The following GDF10 variants were observed in gnomAD, a reference collection of about 807,000 sequenced individuals.
GDF10 encodes the protein growth differentiation factor 10, also known as growth/differentiation factor 10.
In GDF10, 23 loss-of-function variants were observed where a neutral mutation model predicts 32.1. The observed-to-expected ratio is 0.72, with a 90% CI of 0.52 to 1.02. The LOEUF is 1.02. GDF10 is among the 50% of genes least tolerant of loss of function. The pLI is 0.00. For synonymous variants in GDF10, 328 were observed against 303.1 expected, an observed-to-expected ratio of 1.08 and a Z score of -0.85; for missense variants, 764 against 673.9, an observed-to-expected ratio of 1.13 and a Z score of -1.48.
Position 47,306,393 on chromosome 10 carries a change from G to A in GDF10, c.320-3403G>A, listed in dbSNP as rs565906260. ...AAGGCTGTGGTTACTGCACTCTAGG[G>A]AAGCATGCCAGGAACCCCCAGTGTT... is the stretch of plus-strand genomic sequence containing the variant. On this transcript the variant is annotated intron_variant, in intron 1 of 2. Transcript: ENST00000580279. 3.9e-5 allele frequency among the ~76,000 whole-genome samples: 6 copies of A among 152,322 alleles called. No individual in the cohort carries two copies. In the South Asian group the frequency reaches 1.0e-3, roughly 26 times the overall value.
intron 1 of GDF10, among the ~76,000 whole-genome samples, chr10:47,304,506 C>G (rs1266208418): frequency 6.6e-6 from 1 of 151,968 alleles, no homozygotes; most frequent in Non-Finnish European, 1.5e-5. Flanking sequence ...TATAGAAGAT[C>G]ACAGTAAAGA....
intron 2 of GDF10, among the ~76,000 whole-genome samples, chr10:47,312,068 A>T (rs922350348): frequency 3.0e-5 from 4 of 131,684 alleles, no homozygotes; most frequent in Non-Finnish European, 6.6e-5. Flanking sequence ...TGCTAAGCTG[A>T]CAAAAAAAAG....
chr10:47,304,558 T>C (rs762447878), intron 1 of GDF10, among the ~76,000 whole-genome samples: 110 of 152,336 alleles, frequency 7.2e-4, no homozygotes, highest in Admixed American at 1.2e-3. Flanking sequence ...ATAACCGGAA[T>C]TGTTAGTATG....
At position 47,310,332 on chromosome 10, in the gene GDF10, C is replaced by A; in HGVS notation, c.856C>A (p.Pro286Thr). The change falls in exon 2 of 3, where the codon CCC (proline) becomes ACC (threonine). Residue 286 changes from proline to threonine, a missense_variant. Physicochemically the swap from Pro to Thr is conservative, Grantham distance 38. Coordinates refer to ENST00000580279, the MANE Select transcript of GDF10 (RefSeq NM_004962.5). ...CGCAGCCCCCAACAACTCAGCGGAC[C>A]CCCGCGTGCGCCGAGCCGCGCAGGC... ...PRAAPNNSADPRVRRAAQATG... is the reference protein window; with the variant it reads ...PRAAPNNSADTRVRRAAQATG... 6.2e-7 allele frequency: 1 copy of A among 1,606,042 alleles called. No homozygotes were observed. The highest frequency in any genetic ancestry group is 8.5e-7 in the Non-Finnish European group (1 of 1,176,860).
At chr10:47,302,341 G>A (rs996867368) in intron 1 of GDF10, among the ~76,000 whole-genome samples, 1 of 152,234 alleles carries the variant, frequency 6.6e-6, no homozygotes, top group African/African-American at 2.4e-5. Context: ...AAGTGTTGAT[G>A]TACGGGATTC....
chr10:47,310,656 A>G lies in GDF10; in HGVS notation c.1180A>G (p.Ile394Val). The change falls in exon 2 of 3, where the codon ATA becomes GTA. Residue 394 changes from isoleucine (I) to valine (V), a missense_variant. By Grantham distance (29) the Ile-to-Val change is conservative. Transcript: ENST00000580279. ...CGCAGACATCGGCTGGAATGAATGG[A>G]TAATCTCACCGAAATCTTTTGATGC... ...DFADIGWNEW[I>V]ISPKSFDAYY... The G allele has an allele frequency of 6.2e-7, 1 of 1,614,098 alleles. No individual in the cohort carries two copies. The highest frequency in any genetic ancestry group is 8.5e-7 in the Non-Finnish European group (1 of 1,179,964).
At chr10:47,306,985 G>A (rs2061025339) in intron 1 of GDF10, among the ~76,000 whole-genome samples, 1 of 152,218 alleles carries the variant, frequency 6.6e-6, no homozygotes, top group South Asian at 2.1e-4. Context: ...CTTGGGGGGT[G>A]ACCTGTGATG....
intron 1 of GDF10, among the ~76,000 whole-genome samples, chr10:47,302,135 G>A (rs2061006938): frequency 1.3e-5 from 2 of 152,228 alleles, no homozygotes; most frequent in African/African-American, 4.8e-5. Flanking sequence ...TCCATTTCTT[G>A]AGGAACGTTA....
Position 47,310,339 on chromosome 10 carries a change from T to G in GDF10, c.863T>G (p.Val288Gly). The G allele has an allele frequency of 2.5e-6, 4 of 1,605,674 alleles. No individual in the cohort carries two copies. Among genetic ancestry groups the G allele is most frequent in the Non-Finnish European group, 3.4e-6 (4 of 1,176,762 alleles). Reference sequence around the variant, plus strand: ...CCCAACAACTCAGCGGACCCCCGCGTGCGCCGAGCCGCGCAGGCCACTGGG... The same window carrying G: ...CCCAACAACTCAGCGGACCCCCGCGGGCGCCGAGCCGCGCAGGCCACTGGG... ...AAPNNSADPRVRRAAQATGPL... is the reference protein window; with the variant it reads ...AAPNNSADPRGRRAAQATGPL... The change falls in exon 2 of 3, where the codon GTG becomes GGG. Residue 288 changes from valine (V) to glycine (G), a missense_variant. Physicochemically the swap from Val to Gly is moderately radical, Grantham distance 109. Transcript: ENST00000580279.
intron 1 of GDF10, among the ~76,000 whole-genome samples, chr10:47,308,953 G>A (rs2061032810): frequency 6.6e-6 from 1 of 152,220 alleles, no homozygotes; most frequent in South Asian, 2.1e-4. Flanking sequence ...TGGCTGTGCT[G>A]CCCTGGTGCC....
chr10:47,304,548 A>G (rs1013761133), intron 1 of GDF10, among the ~76,000 whole-genome samples: 19 of 152,216 alleles, frequency 1.2e-4, no homozygotes, highest in African/African-American at 4.1e-4. Context: ...ATAGCCAGAT[A>G]TAACCGGAAT....
chr10:47,310,527 G>T lies in GDF10; in HGVS notation c.1051G>T (p.Ala351Ser), dbSNP rs782311269. The change falls in exon 2 of 3, where the codon GCC (alanine) becomes TCC (serine). Residue 351 changes from alanine to serine, a missense_variant. By Grantham distance (99) the Ala-to-Ser change is moderately conservative. Transcript: ENST00000580279. ...RKKGQEVFMA[A>S]SQVLDFDEKT... ...GAAGGGCCAGGAGGTGTTCATGGCC[G>T]CCTCGCAGGTGCTGGACTTTGACGA... 1 of 1,613,830 alleles carries T rather than the reference G, an allele frequency of 6.2e-7. No homozygotes were observed.
At chr10:47,312,260 C>G (rs2061049079) in intron 2 of GDF10, among the ~76,000 whole-genome samples, 1 of 152,192 alleles carries the variant, frequency 6.6e-6, no homozygotes, top group Non-Finnish European at 1.5e-5. Flanking sequence ...CTCTGGGCAG[C>G]TTCTGCCTGC....
Position 47,310,136 on chromosome 10 carries a change from C to G in GDF10, c.660C>G (p.Leu220=), listed in dbSNP as rs782241332. ...VKAARRDGEL[L]LSAQLDSEER... ...CGGCCCGCCGGGATGGCGAGCTGCTCCTCTCCGCCCAGCTGGATTCTGAGG... is the reference window on the plus strand; with the variant it reads ...CGGCCCGCCGGGATGGCGAGCTGCTGCTCTCCGCCCAGCTGGATTCTGAGG... The change falls in exon 2 of 3, where the codon CTC becomes CTG. Residue 220 remains leucine (L), a synonymous_variant. Coordinates refer to ENST00000580279, the MANE Select transcript of GDF10 (RefSeq NM_004962.5). The G allele has an allele frequency of 3.1e-5, 50 of 1,611,452 alleles. No homozygotes were observed. The South Asian group carries it at 5.5e-4, about 18-fold the overall frequency.
At position 47,310,462 on chromosome 10, in the gene GDF10, G is replaced by C. The variant is rs143673961; in HGVS notation, c.986G>C (p.Arg329Pro). The C allele has an allele frequency of 4.3e-6, 7 of 1,613,488 alleles. No homozygotes were observed. The African/African-American group carries it at 8.0e-5, about 18-fold the overall frequency. ...HKHQLWPSPF[R>P]ALKPRPGRKD... ...CACCAGCTGTGGCCCAGCCCCTTCC[G>C]GGCGCTGAAACCCCGGCCAGGGCGC... Residue 329 changes from arginine to proline, a missense_variant, in exon 2 of 3, where the codon CGG becomes CCG. By Grantham distance (103) the Arg-to-Pro change is moderately radical (BLOSUM62 -2). Coordinates refer to ENST00000580279, the MANE Select transcript of GDF10 (RefSeq NM_004962.5).
At chr10:47,308,251 C>A (rs550856844) in intron 1 of GDF10, among the ~76,000 whole-genome samples, 2 of 152,288 alleles carry the variant, frequency 1.3e-5, no homozygotes, top group South Asian at 4.2e-4. Flanking sequence ...CATTGTTATG[C>A]AGTCAAGGCC....
chr10:47,307,699 G>T (rs1344275793), intron 1 of GDF10, among the ~76,000 whole-genome samples: 3 of 152,210 alleles, frequency 2.0e-5, no homozygotes, highest in Admixed American at 6.5e-5. Flanking sequence ...AACCTCAAAG[G>T]TTCCTCCCCA....
At chr10:47,302,018 A>G (rs782083418) in intron 1 of GDF10, among the ~76,000 whole-genome samples, 3 of 152,156 alleles carry the variant, frequency 2.0e-5, no homozygotes, top group Non-Finnish European at 4.4e-5. Context: ...AAGAGGCCCC[A>G]TGCCCTCCTC....
At position 47,300,601 on chromosome 10, in the gene GDF10, C is replaced by A; in HGVS notation, c.-51C>A. 3.3e-6 allele frequency: 5 copies of A among 1,498,482 alleles called. No individual in the cohort carries two copies. Among genetic ancestry groups the A allele is most frequent in the Non-Finnish European group, 4.5e-6 (5 of 1,117,788 alleles). 92.8% of individuals were successfully genotyped at this position (1,498,482 alleles called of 1,614,324 possible). A position where few individuals can be genotyped will look rare whatever the true frequency, so the allele number is the denominator to read the frequency against. On this transcript the variant is annotated 5_prime_UTR_variant, in exon 1 of 3. Coordinates refer to ENST00000580279, the MANE Select transcript of GDF10 (RefSeq NM_004962.5). ...CAGTCCGCAGCCTCCGGTGCGCCAG[C>A]GCTCGCCTTCCTCCTCCTGGACTTC...
Sources: allele counts gnomAD v4.1 joint callset (sites outside exome capture counted in the v4.1 genomes callset), GRCh38; gene constraint gnomAD v4.1.1; transcripts MANE v1.5; gene names NCBI Gene and HGNC (gene_info 2026-07-23, HGNC 2026-07-21).